The following DIAPH2 variants were observed in gnomAD, a reference collection of about 807,000 sequenced individuals.
The protein encoded by DIAPH2 is diaphanous related formin 2.
In DIAPH2, 35 loss-of-function variants were observed where a neutral mutation model predicts 92.7. The ratio of observed to expected loss-of-function variants is 0.38; its 90% confidence interval spans 0.29 to 0.50. The LOEUF is 0.50. DIAPH2 is among the 20% of genes least tolerant of loss of function. The pLI is 0.94. For synonymous variants in DIAPH2, 301 were observed against 280.4 expected, an observed-to-expected ratio of 1.07 and a Z score of -0.73; for missense variants, 701 against 819.5, an observed-to-expected ratio of 0.86 and a Z score of 1.77.
chrX:97,352,877 A>T (rs2069231835), intron 24 of DIAPH2, among the ~76,000 whole-genome samples: 1 of 104,440 alleles, frequency 9.6e-6, no homozygotes, highest in Non-Finnish European at 2.0e-5. Context: ...CTCCAAAAAA[A>T]AAAAAAAAAA....
rs765156073 is a variant in DIAPH2 at position 97,410,086 on chromosome X, G to A, written c.3146-19564G>A. Reference sequence around the variant, plus strand: ...CTCCTCAAGTGGGTCCCTGACCCCCGTGTAGCCTAACTGGGAGACACCTCC... The same window carrying A: ...CTCCTCAAGTGGGTCCCTGACCCCCATGTAGCCTAACTGGGAGACACCTCC... On this transcript the variant is annotated intron_variant, in intron 25 of 26. Coordinates refer to ENST00000324765, the MANE Select transcript of DIAPH2 (RefSeq NM_006729.5). Among the ~76,000 whole-genome samples the A allele has an allele frequency of 8.0e-5, 9 of 112,281 alleles. No individual in the cohort carries two copies. The East Asian group carries it at 8.5e-4, about 11-fold the overall frequency.
At chrX:96,840,798 A>G (rs908209072) in intron 4 of DIAPH2, among the ~76,000 whole-genome samples, 7 of 107,806 alleles carry the variant, frequency 6.5e-5, no homozygotes, top group Non-Finnish European at 1.3e-4. Flanking sequence ...TATTTTTAGT[A>G]GAGACGGGGT....
intron 24 of DIAPH2, among the ~76,000 whole-genome samples, chrX:97,352,645 A>G (rs763574975): frequency 7.4e-5 from 8 of 108,324 alleles, no homozygotes; most frequent in African/African-American, 1.7e-4. Flanking sequence ...CAAGGTGGGC[A>G]GATCACGAGG....
chrX:97,321,286 G>A (rs911618843), intron 23 of DIAPH2, among the ~76,000 whole-genome samples: 16 of 110,671 alleles, frequency 1.4e-4, no homozygotes, highest in African/African-American at 5.2e-4. Context: ...TAGCATTACT[G>A]TGCAGTAGAA....
At position 96,962,326 on chromosome X, in the gene DIAPH2, C is replaced by CAT. The variant is rs971251038; in HGVS notation, c.1936-2757_1936-2756dup. 7.8e-3 allele frequency among the ~76,000 whole-genome samples: 323 copies of CAT among 41,324 alleles called. 23 individuals are homozygous for CAT. The highest frequency in any genetic ancestry group is 0.021 in the African/African-American group (298 of 14,328). The allele number at this position is 41,324 out of a possible 115,157, so 35.9% of individuals were successfully genotyped here. ...ATATATATATACATATATATATACACATATATATATACATATATATATATA... is the reference window on the plus strand; with the variant it reads ...ATATATATATACATATATATATACACATATATATATATACATATATATATATA... On this transcript the variant is annotated intron_variant, in intron 16 of 26. Coordinates refer to ENST00000324765, the MANE Select transcript of DIAPH2 (RefSeq NM_006729.5).
At chrX:97,516,137 C>T (rs1352181515) in intron 26 of DIAPH2, among the ~76,000 whole-genome samples, 4 of 110,263 alleles carry the variant, frequency 3.6e-5, no homozygotes, top group African/African-American at 1.3e-4. Context: ...CTACTGTAGT[C>T]CCAGCTACTC....
intron 21 of DIAPH2, among the ~76,000 whole-genome samples, chrX:97,128,343 T>A (rs1369673524): frequency 1.8e-5 from 2 of 110,749 alleles, no homozygotes; most frequent in Non-Finnish European, 3.8e-5. Flanking sequence ...CTCATCGCCA[T>A]TTTGGTTTTG....
At chrX:97,540,707 C>T (rs1482199619) in intron 26 of DIAPH2, among the ~76,000 whole-genome samples, 1 of 111,804 alleles carries the variant, frequency 8.9e-6, no homozygotes, top group African/African-American at 3.2e-5. Context: ...AAATCAATCA[C>T]GTATAAAATG....
At chrX:97,243,264 A>G (rs2068112929) in intron 22 of DIAPH2, among the ~76,000 whole-genome samples, 1 of 101,949 alleles carries the variant, frequency 9.8e-6, no homozygotes, top group Non-Finnish European at 2.0e-5. Context: ...AAGCTATGAC[A>G]AGTTCTGGAA....
chrX:97,172,670 T>A (rs1033054351), intron 22 of DIAPH2, among the ~76,000 whole-genome samples: 2 of 112,239 alleles, frequency 1.8e-5, no homozygotes, highest in African/African-American at 6.5e-5. Context: ...TTTTAGATAA[T>A]GAAAAGAGGG....
At chrX:96,852,838 C>A (rs2065014431) in intron 4 of DIAPH2, among the ~76,000 whole-genome samples, 1 of 112,010 alleles carries the variant, frequency 8.9e-6, no homozygotes. Context: ...TTTTCTGCGA[C>A]TACATCAAGA....
chrX:97,138,033 A>C (rs1602367375), intron 21 of DIAPH2, among the ~76,000 whole-genome samples: 1 of 112,055 alleles, frequency 8.9e-6, no homozygotes, highest in Admixed American at 9.6e-5. Context: ...CTGAGGACAA[A>C]GCAAGAAGAA....
intron 23 of DIAPH2, among the ~76,000 whole-genome samples, chrX:97,275,006 G>C (rs1261529690): frequency 8.9e-6 from 1 of 112,039 alleles, no homozygotes; most frequent in African/African-American, 3.2e-5. Flanking sequence ...ATCTTTCTTA[G>C]TACAGAACAA....
intron 4 of DIAPH2, among the ~76,000 whole-genome samples, chrX:96,864,905 G>A (rs1398961876): frequency 8.9e-6 from 1 of 111,971 alleles, no homozygotes. Flanking sequence ...GTAAAACGGG[G>A]ATAATATGTC....
At chrX:97,465,333 C>T (rs1261095807) in intron 26 of DIAPH2, among the ~76,000 whole-genome samples, 2 of 111,090 alleles carry the variant, frequency 1.8e-5, no homozygotes, top group African/African-American at 6.6e-5. Context: ...ATACAATTGT[C>T]CTTTCATATC....
chrX:96,880,413 ATGAT>A (rs1225522024), intron 4 of DIAPH2, among the ~76,000 whole-genome samples: 1 of 112,018 alleles, frequency 8.9e-6, no homozygotes, highest in African/African-American at 3.2e-5. Flanking sequence ...GAAATTAAGA[ATGAT>A]TAACACTTTC....
At chrX:97,036,856 T>C (rs1022976072) in intron 17 of DIAPH2, among the ~76,000 whole-genome samples, 6 of 111,860 alleles carry the variant, frequency 5.4e-5, no homozygotes, top group African/African-American at 1.9e-4. Context: ...GTGCAATAGG[T>C]AGATGACAAT....
chrX:96,751,857 T>G (rs1220546300), intron 3 of DIAPH2, among the ~76,000 whole-genome samples: 25 of 96,211 alleles, frequency 2.6e-4, no homozygotes, highest in African/African-American at 6.7e-4. Context: ...GTTTCACCGT[T>G]TTAGCCGGGA....
At chrX:97,389,465 C>CAAAA (rs1164301048) in intron 25 of DIAPH2, among the ~76,000 whole-genome samples, 3 of 34,542 alleles carry the variant, frequency 8.7e-5, no homozygotes, top group African/African-American at 2.0e-4. Context: ...GACTCTGTCT[C>CAAAA]AAAAAAAAAA....
Sources: allele counts gnomAD v4.1 joint callset (sites outside exome capture counted in the v4.1 genomes callset), GRCh38; gene constraint gnomAD v4.1.1; transcripts MANE v1.5; gene names NCBI Gene and HGNC (gene_info 2026-07-23, HGNC 2026-07-21).